Variants in HHIP observed in about 807,000 individuals in gnomAD.
HHIP encodes the protein hedgehog-interacting protein.
HHIP carries 12 observed loss-of-function variants against 74.0 expected under a neutral mutation model. The observed-to-expected ratio is 0.16, with a 90% CI of 0.10 to 0.26. The LOEUF (loss-of-function observed/expected upper bound fraction) is 0.26, where lower values mean the gene tolerates loss of function less well. Among genes scored for constraint, HHIP ranks in the 10% least tolerant of loss-of-function variants. The pLI, the probability that HHIP is intolerant of heterozygous loss-of-function variation, is 1.00. For missense variants in HHIP, 788 were observed against 845.0 expected (o/e 0.93, Z 0.84); for synonymous variants, 309 against 311.6 (o/e 0.99, Z 0.09).
At chr4:144,686,212 T>C (rs1332412186) in intron 4 of HHIP, among the ~76,000 whole-genome samples, 1 of 152,166 alleles carries the variant, frequency 6.6e-6, no homozygotes, top group Admixed American at 6.5e-5. Context: ...CCCACCAAAT[T>C]ACAGTGGCCA....
intron 4 of HHIP, among the ~76,000 whole-genome samples, chr4:144,677,405 C>T (rs1050457532): frequency 2.6e-5 from 4 of 152,176 alleles, no homozygotes; most frequent in African/African-American, 9.7e-5. Context: ...AGCTTACATC[C>T]TACCAGCTTA....
chr4:144,708,371 G>C, intron 7 of HHIP, 60 bp downstream of exon 7: 1 of 1,559,386 alleles, frequency 6.4e-7, no homozygotes, highest in Non-Finnish European at 8.8e-7. Context: ...CCGAGAACTG[G>C]GAAAATATAG....
chr4:144,681,674 C>T (rs573181952), intron 4 of HHIP, among the ~76,000 whole-genome samples: 2 of 152,292 alleles, frequency 1.3e-5, no homozygotes, highest in East Asian at 3.9e-4. Context: ...CTTCCCGCCT[C>T]GGCCTCCCAA....
rs113822037 is a variant in HHIP, at chr4:144,723,971, C to T, written c.1760+5015C>T. On this transcript the variant is annotated intron_variant, in intron 11 of 12. Coordinates refer to ENST00000296575, the MANE Select transcript of HHIP (RefSeq NM_022475.3). ...CTGACTATATTTTATTATCAGTATA[C>T]TAGATTTCCTGTTGTGGTGCACAAT... Among the ~76,000 whole-genome samples, 1,107 of 152,252 alleles carry T rather than the reference C, an allele frequency of 7.3e-3. 20 individuals are homozygous for T. The highest frequency in any genetic ancestry group is 0.026 in the African/African-American group (1,062 of 41,536).
intron 1 of HHIP, 113 bp downstream of exon 1, chr4:144,647,067 T>C: frequency 2.3e-6 from 2 of 883,586 alleles, no homozygotes; most frequent in Non-Finnish European, 3.4e-6. Flanking sequence ...TTTGGGGGAG[T>C]TCTTTCCATA....
intron 4 of HHIP, among the ~76,000 whole-genome samples, chr4:144,701,870 A>G (rs531563164): frequency 6.6e-6 from 1 of 152,360 alleles, no homozygotes; most frequent in African/African-American, 2.4e-5. Flanking sequence ...GAAGGACATT[A>G]GGGCAAATTT....
At chr4:144,697,928 T>G (rs1206245216) in intron 4 of HHIP, among the ~76,000 whole-genome samples, 1 of 152,040 alleles carries the variant, frequency 6.6e-6, no homozygotes, top group Non-Finnish European at 1.5e-5. Flanking sequence ...TATTACTGAT[T>G]TATTTTGTTT....
Position 144,706,780 on chromosome 4 carries a change from A to G in HHIP, c.983+98A>G, listed in dbSNP as rs932124532. 6.4e-6 allele frequency: 7 copies of G among 1,086,438 alleles called. No homozygotes were observed. The African/African-American group carries it at 9.6e-5, about 15-fold the overall frequency. The allele number at this position is 1,086,438 out of a possible 1,614,324, so 67.3% of individuals were successfully genotyped here. ...ATTTAGAAGTTGCAAATAAGTAACC[A>G]TAAGGTGGCAATAATTAAATCATTA... On this transcript the variant is annotated intron_variant, in intron 5 of 12. Transcript: ENST00000296575.
At chr4:144,661,879 T>C (rs181190497) in intron 4 of HHIP, among the ~76,000 whole-genome samples, 1 of 152,340 alleles carries the variant, frequency 6.6e-6, no homozygotes, top group Admixed American at 6.5e-5. Context: ...ATTCTATTTT[T>C]TCAGTTTTAA....
At chr4:144,733,316 T>C (rs1377231491) in intron 11 of HHIP, among the ~76,000 whole-genome samples, 3 of 152,210 alleles carry the variant, frequency 2.0e-5, no homozygotes, top group Non-Finnish European at 4.4e-5. Flanking sequence ...TTCTGAATTG[T>C]CATGTTAGCT....
chr4:144,716,673 C>T (rs1274510807), intron 10 of HHIP, among the ~76,000 whole-genome samples: 1 of 151,748 alleles, frequency 6.6e-6, no homozygotes, highest in Non-Finnish European at 1.5e-5. Flanking sequence ...CATGGTGAAG[C>T]TCTGTCTCTA....
intron 4 of HHIP, among the ~76,000 whole-genome samples, chr4:144,696,870 C>T (rs983070447): frequency 2.6e-5 from 4 of 151,938 alleles, no homozygotes; most frequent in Non-Finnish European, 5.9e-5. Context: ...GTCAGTACCT[C>T]CACTGTCAAT....
intron 6 of HHIP, among the ~76,000 whole-genome samples, chr4:144,707,697 A>G (rs1730185251): frequency 7.2e-6 from 1 of 139,848 alleles, no homozygotes; most frequent in African/African-American, 2.6e-5. Context: ...AGCCACCATC[A>G]CACAGTGTCT....
chr4:144,701,098 A>C (rs1729969035), intron 4 of HHIP, among the ~76,000 whole-genome samples: 1 of 152,326 alleles, frequency 6.6e-6, no homozygotes, highest in South Asian at 2.1e-4. Flanking sequence ...GCCTTATAGC[A>C]AAAGTATATA....
chr4:144,706,613 C>T lies in HHIP; in HGVS notation c.914C>T (p.Thr305Ile). 1.2e-6 allele frequency: 2 copies of T among 1,613,744 alleles called. No homozygotes were observed. The highest frequency in any genetic ancestry group is 2.2e-5 in the South Asian group (2 of 91,016). The change falls in exon 5 of 13, where the codon ACC becomes ATC. Residue 305 changes from threonine (T) to isoleucine (I), a missense_variant. Coordinates refer to ENST00000296575, the MANE Select transcript of HHIP (RefSeq NM_022475.3). ...KNGKLYVSYT[T>I]NQERWAIGPH... ...GGAAAGTTGTATGTGTCCTATACCA[C>T]CAACCAAGAACGGTGGGCTATCGGG... is the stretch of plus-strand genomic sequence containing the variant.
chr4:144,659,796 G>A lies in HHIP; in HGVS notation c.789G>A (p.Glu263=). 6.2e-7 allele frequency: 1 copy of A among 1,611,292 alleles called. No homozygotes were observed. ...CCCCTGAAGGAGAAATTTTCAAGGAGCCTTATTTGGACATTCACAAACTTG... is the reference window on the plus strand; with the variant it reads ...CCCCTGAAGGAGAAATTTTCAAGGAACCTTATTTGGACATTCACAAACTTG... ...ILTPEGEIFK[E]PYLDIHKLVQ... The change falls in exon 4 of 13, where the codon GAG becomes GAA. Residue 263 remains glutamate, a synonymous_variant. Coordinates refer to ENST00000296575, the MANE Select transcript of HHIP (RefSeq NM_022475.3).
chr4:144,651,237 A>T lies in HHIP; in HGVS notation c.280-1368A>T, dbSNP rs566809333. On this transcript the variant is annotated intron_variant, in intron 1 of 12. Transcript: ENST00000296575. ...CCATTTAAGCAATTGTTATTTAAAT[A>T]AATTGATAAGACAGTAAATATAATT... 1.1e-4 allele frequency among the ~76,000 whole-genome samples: 17 copies of T among 152,158 alleles called. No homozygotes were observed. The South Asian group carries it at 3.5e-3, about 32-fold the overall frequency.
intron 10 of HHIP, among the ~76,000 whole-genome samples, chr4:144,716,166 T>G (rs1730440481): frequency 6.6e-6 from 1 of 152,216 alleles, no homozygotes; most frequent in Non-Finnish European, 1.5e-5. Flanking sequence ...ACTATTATGC[T>G]CCTTTAGCCT....
intron 4 of HHIP, among the ~76,000 whole-genome samples, chr4:144,686,373 G>A (rs766555868): frequency 5.9e-5 from 9 of 151,972 alleles, no homozygotes; most frequent in East Asian, 5.8e-4. Context: ...TAAAAACTCC[G>A]TAGAAATATC....
Sources: allele counts gnomAD v4.1 joint callset (sites outside exome capture counted in the v4.1 genomes callset), GRCh38; gene constraint gnomAD v4.1.1; transcripts MANE v1.5; gene names NCBI Gene and HGNC (gene_info 2026-07-23, HGNC 2026-07-21).